PIK3C2G: variants seen among roughly 807,000 people sequenced by gnomAD.
PIK3C2G encodes phosphatidylinositol-4-phosphate 3-kinase catalytic subunit type 2 gamma, also known as phosphatidylinositol 3-kinase C2 domain-containing subunit gamma.
Under a neutral mutation model 181.1 loss-of-function variants are expected in PIK3C2G, and 168 were observed. That is an observed-to-expected ratio of 0.93 (90% CI 0.82 to 1.05). The LOEUF (loss-of-function observed/expected upper bound fraction) is 1.05. Among genes scored for constraint, PIK3C2G ranks in the 50% least tolerant of loss-of-function variants. The pLI, the probability that PIK3C2G is intolerant of heterozygous loss-of-function variation, is 0.00. For missense variants in PIK3C2G, 1,869 were observed against 1,732.8 expected (o/e 1.08, Z -1.40); for synonymous variants, 573 against 592.2 (o/e 0.97, Z 0.47).
chr12:18,671,545 C>T, the PIK3C2G span, among the ~76,000 whole-genome samples: 1 of 152,064 alleles, frequency 6.6e-6, no homozygotes, highest in Non-Finnish European at 1.5e-5. Context: ...TGTGGCTACT[C>T]AATTAAAAAT....
At chr12:18,683,458 G>A in the PIK3C2G span, 1 of 1,426,496 alleles carries the variant, frequency 7.0e-7, no homozygotes, top group Admixed American at 2.0e-5. Flanking sequence ...ATTCCCATCT[G>A]GTATATTAAT....
At chr12:18,328,671 A>G (rs962779129) in intron 8 of PIK3C2G, among the ~76,000 whole-genome samples, 3 of 152,054 alleles carry the variant, frequency 2.0e-5, no homozygotes, top group South Asian at 2.1e-4. Flanking sequence ...GATAATAAAT[A>G]TAATATAATG....
rs1206793767 is a variant in PIK3C2G at position 18,478,987 on chromosome 12, AT to A, written c.2505-9461del. On this transcript the variant is annotated intron_variant, in intron 18 of 32. Transcript: ENST00000538779. ...GAGATCCTGTCTCAAAAAAAAAAAAATATATATATATATGTATATATATATT... is the reference window on the plus strand; with the variant it reads ...GAGATCCTGTCTCAAAAAAAAAAAAAATATATATATATGTATATATATATT... 7.7e-3 allele frequency among the ~76,000 whole-genome samples: 1,053 copies of A among 136,156 alleles called. 12 individuals carry two copies. Among genetic ancestry groups the A allele is most frequent in the African/African-American group, 0.025 (986 of 39,408 alleles). The allele number at this position is 136,156 out of a possible 152,430, so 89.3% of individuals were successfully genotyped here.
At chr12:18,588,205 A>T (rs1269566287) in intron 29 of PIK3C2G, among the ~76,000 whole-genome samples, 1 of 152,134 alleles carries the variant, frequency 6.6e-6, no homozygotes, top group Admixed American at 6.6e-5. Context: ...AGATTTCATG[A>T]TGAAGACACC....
chr12:18,377,286 C>A (rs1188075339), intron 13 of PIK3C2G, among the ~76,000 whole-genome samples: 4 of 152,152 alleles, frequency 2.6e-5, no homozygotes, highest in African/African-American at 9.7e-5. Flanking sequence ...CTCCTGGTGT[C>A]ACAAATTTTG....
At chr12:18,518,276 T>C (rs10841034) in intron 24 of PIK3C2G, among the ~76,000 whole-genome samples, 25,282 of 152,224 alleles carry the variant, frequency 0.17, 2,551 homozygotes, top group South Asian at 0.39. Flanking sequence ...AAGTCCCACC[T>C]TCTAAATTGT....
chr12:18,337,553 G>A (rs1047467191), intron 8 of PIK3C2G, among the ~76,000 whole-genome samples: 2 of 152,084 alleles, frequency 1.3e-5, no homozygotes, highest in Non-Finnish European at 2.9e-5. Context: ...TCTGGTGAGG[G>A]CCTCAAGAAG....
At chr12:18,350,477 G>A (rs1592029430) in intron 11 of PIK3C2G, among the ~76,000 whole-genome samples, 1 of 152,114 alleles carries the variant, frequency 6.6e-6, no homozygotes, top group Non-Finnish European at 1.5e-5. Flanking sequence ...TGTGTGCACA[G>A]GGGCAAGTTG....
intron 21 of PIK3C2G, 133 bp from the exon 22 acceptor site, chr12:18,497,486 A>C: frequency 1.8e-6 from 1 of 543,090 alleles, no homozygotes; most frequent in South Asian, 6.0e-5. Context: ...TTTAGTGCTA[A>C]CAAAACCATT....
intron 11 of PIK3C2G, among the ~76,000 whole-genome samples, chr12:18,355,709 A>G (rs1484656522): frequency 6.6e-6 from 1 of 152,190 alleles, no homozygotes; most frequent in African/African-American, 2.4e-5. Context: ...GGGGATGAGA[A>G]GGGAACCACC....
chr12:18,276,365 A>G (rs1057313694), intron 1 of PIK3C2G, among the ~76,000 whole-genome samples: 1 of 152,200 alleles, frequency 6.6e-6, no homozygotes, highest in African/African-American at 2.4e-5. Flanking sequence ...AGACACACTC[A>G]GAGGCATTGA....
chr12:18,491,132 G>T (rs745864757), intron 19 of PIK3C2G, among the ~76,000 whole-genome samples: 45 of 152,104 alleles, frequency 3.0e-4, no homozygotes, highest in Non-Finnish European at 1.0e-4. Flanking sequence ...CCAAATTGGC[G>T]GCCACGCAGG....
intron 31 of PIK3C2G, among the ~76,000 whole-genome samples, chr12:18,631,898 A>G (rs1322555216): frequency 6.6e-6 from 1 of 152,186 alleles, no homozygotes; most frequent in African/African-American, 2.4e-5. Context: ...AAATATTCAC[A>G]GATCTCTAGG....
chr12:18,348,298 G>A (rs1939873236), intron 11 of PIK3C2G, among the ~76,000 whole-genome samples: 1 of 151,670 alleles, frequency 6.6e-6, no homozygotes, highest in South Asian at 2.1e-4. Context: ...AATGTAAAAT[G>A]CATATGAATA....
intron 18 of PIK3C2G, among the ~76,000 whole-genome samples, chr12:18,458,063 T>G (rs896909251): frequency 1.3e-5 from 2 of 152,200 alleles, no homozygotes; most frequent in Admixed American, 1.3e-4. Flanking sequence ...AAATTTAAAC[T>G]TCTTAAGTTT....
At chr12:18,395,759 A>T (rs1943848230) in intron 15 of PIK3C2G, among the ~76,000 whole-genome samples, 2 of 151,454 alleles carry the variant, frequency 1.3e-5, no homozygotes, top group Admixed American at 1.3e-4. Flanking sequence ...AACTGTTCCA[A>T]GTTTTTCATA....
At chr12:18,717,122 A>G in the PIK3C2G span, among the ~76,000 whole-genome samples, 4 of 152,168 alleles carry the variant, frequency 2.6e-5, no homozygotes, top group Admixed American at 2.6e-4. Flanking sequence ...AACAGAGAAA[A>G]GTACAATTAA....
chr12:18,476,598 A>T (rs566653790), intron 18 of PIK3C2G, among the ~76,000 whole-genome samples: 1 of 152,226 alleles, frequency 6.6e-6, no homozygotes, highest in African/African-American at 2.4e-5. Flanking sequence ...CAGAAAGAAG[A>T]AACTAGATTT....
chr12:18,663,425 TA>T, the PIK3C2G span, among the ~76,000 whole-genome samples: 2 of 152,058 alleles, frequency 1.3e-5, no homozygotes, highest in Non-Finnish European at 2.9e-5. Context: ...GTGTCAAGCA[TA>T]GGTAATGTAG....
Sources: gnomAD v4.1 joint callset for allele counts (sites outside exome capture counted in the v4.1 genomes callset) on GRCh38, gnomAD v4.1.1 for gene constraint, MANE v1.5 for transcripts, NCBI Gene and HGNC (gene_info 2026-07-23, HGNC 2026-07-21) for gene names.